The following BMP2K variants were observed in gnomAD, a reference collection of about 807,000 sequenced individuals.
BMP2K encodes BMP2 inducible kinase, also known as BMP-2-inducible protein kinase.
In BMP2K, 74 loss-of-function variants were observed where a neutral mutation model predicts 116.0. The ratio of observed to expected loss-of-function variants is 0.64; its 90% CI spans 0.53 to 0.77. The LOEUF (loss-of-function observed/expected upper bound fraction) is 0.77. BMP2K is among the 30% of genes least tolerant of loss of function. The pLI is 0.00. For synonymous variants in BMP2K, 486 were observed against 502.5 expected (o/e 0.97, Z 0.44); for missense variants, 1,365 against 1,403.6 (o/e 0.97, Z 0.44).
intron 14 of BMP2K, among the ~76,000 whole-genome samples, chr4:78,883,970 G>T (rs1389144477): frequency 1.3e-5 from 2 of 152,130 alleles, no homozygotes; most frequent in African/African-American, 4.8e-5. Flanking sequence ...GGCTGAGCCT[G>T]GGAGGCAGAG....
intron 1 of BMP2K, among the ~76,000 whole-genome samples, chr4:78,796,117 A>G (rs887063954): frequency 4.6e-5 from 7 of 152,192 alleles, no homozygotes; most frequent in African/African-American, 1.7e-4. Flanking sequence ...CAGCATTCAC[A>G]ATAGCAAAGA....
intron 1 of BMP2K, among the ~76,000 whole-genome samples, chr4:78,783,949 A>G (rs934558288): frequency 1.3e-5 from 2 of 152,192 alleles, no homozygotes; most frequent in African/African-American, 4.8e-5. Context: ...TGAAAAGGCT[A>G]TGTCTTCGAT....
chr4:78,887,571 T>C (rs1733166277), intron 15 of BMP2K, among the ~76,000 whole-genome samples: 1 of 152,222 alleles, frequency 6.6e-6, no homozygotes, highest in African/African-American at 2.4e-5. Context: ...AAAGATATTT[T>C]TATACTTGGC....
Position 78,904,393 on chromosome 4 carries a change from T to A in BMP2K, c.2063-6217T>A, listed in dbSNP as rs148913169. ...CTATTCCCTCTGATTCATTTCTGAT[T>A]CAAGTACCATTTGTGTCCTCTTGAC... On this transcript the variant is annotated intron_variant, in intron 15 of 15. Coordinates refer to ENST00000502613, the MANE Select transcript of BMP2K (RefSeq NM_198892.2). 2.3e-3 allele frequency among the ~76,000 whole-genome samples: 348 copies of A among 152,070 alleles called. 5 individuals are homozygous for A. Among genetic ancestry groups the A allele is most frequent in the African/African-American group, 7.9e-3 (328 of 41,556 alleles).
intron 9 of BMP2K, among the ~76,000 whole-genome samples, chr4:78,863,758 C>T (rs936491998): frequency 1.3e-5 from 2 of 152,084 alleles, no homozygotes; most frequent in African/African-American, 4.8e-5. Flanking sequence ...CCTAATCTGC[C>T]CAGGCATTTT....
chr4:78,846,627 G>A (rs1731013007), intron 5 of BMP2K, among the ~76,000 whole-genome samples: 1 of 151,432 alleles, frequency 6.6e-6, no homozygotes, highest in Non-Finnish European at 1.5e-5. Flanking sequence ...AGCTTATTAT[G>A]GCAGTCAGTA....
At chr4:78,829,791 T>TTTTCTCTTCTCTTCC (rs1730099134) in intron 2 of BMP2K, among the ~76,000 whole-genome samples, 1 of 96,112 alleles carries the variant, frequency 1.0e-5, no homozygotes. Flanking sequence ...TTTTCTTTTC[T>TTTTCTCTTCTCTTCC]CTTCTCTTCT....
chr4:78,802,651 T>C (rs1430658388), intron 1 of BMP2K, among the ~76,000 whole-genome samples: 1 of 152,224 alleles, frequency 6.6e-6, no homozygotes, highest in African/African-American at 2.4e-5. Context: ...CAAATCCCTC[T>C]GACTACCCCA....
intron 13 of BMP2K, among the ~76,000 whole-genome samples, chr4:78,873,954 C>T (rs1322409159): frequency 1.3e-5 from 2 of 151,930 alleles, no homozygotes; most frequent in Admixed American, 6.6e-5. Context: ...CCAGGGCAGG[C>T]GGATCACGAG....
chr4:78,861,307 A>G lies in BMP2K; in HGVS notation c.988-82A>G, dbSNP rs112204213. 7,119 of 1,061,792 alleles carry G rather than the reference A, an allele frequency of 6.7e-3. 354 individuals are homozygous for G. The African/African-American group carries it at 0.1, about 15-fold the overall frequency. The allele number at this position is 1,061,792 out of a possible 1,614,324, so 65.8% of individuals were successfully genotyped here. ...TGTCTCATAGTACTTTTAAAGTTCA[A>G]TGATATATCCATAGCTTACAAAAAC... On this transcript the variant is annotated intron_variant, in intron 8 of 15. Coordinates refer to ENST00000502613, the MANE Select transcript of BMP2K (RefSeq NM_198892.2).
At chr4:78,901,263 G>A (rs966194684) in intron 15 of BMP2K, among the ~76,000 whole-genome samples, 2 of 145,672 alleles carry the variant, frequency 1.4e-5, no homozygotes, top group African/African-American at 5.4e-5. Flanking sequence ...GTCTTACTAT[G>A]TTGCCTAGGC....
At position 78,801,625 on chromosome 4, in the gene BMP2K, T is replaced by C. The variant is rs148767189; in HGVS notation, c.179-24412T>C. On this transcript the variant is annotated intron_variant, in intron 1 of 15. Coordinates refer to ENST00000502613, the MANE Select transcript of BMP2K (RefSeq NM_198892.2). The stretch of plus-strand genomic sequence containing the variant: ...TTCTTTTTCTTGCTTTGTTTTGGAA[T>C]GCTTAAGGTTCTCTTTTCTCCATTT... Among the ~76,000 whole-genome samples, 9 of 152,284 alleles carry C rather than the reference T, an allele frequency of 5.9e-5. No individual in the cohort carries two copies. In the East Asian group the frequency reaches 1.7e-3, roughly 29 times the overall value.
At chr4:78,851,661 A>G (rs1731256698) in intron 7 of BMP2K, among the ~76,000 whole-genome samples, 1 of 152,020 alleles carries the variant, frequency 6.6e-6, no homozygotes, top group Admixed American at 6.6e-5. Context: ...GGTTTGTATG[A>G]TGAAGATGGC....
chr4:78,870,945 A>G lies in BMP2K; in HGVS notation c.1394A>G (p.Gln465Arg), dbSNP rs750083207. The change falls in exon 11 of 16, where the codon CAG becomes CGG. Residue 465 changes from glutamine to arginine, a missense_variant. Transcript: ENST00000502613. ...HRHPHQQQQQ[Q>R]QQQQQQQQQQ... is the part of the protein sequence containing the mutation. ...CATCCTCACCAGCAGCAGCAGCAGCAGCAGCAGCAACAGCAACAGCAGCAG... is the reference window on the plus strand; with the variant it reads ...CATCCTCACCAGCAGCAGCAGCAGCGGCAGCAGCAACAGCAACAGCAGCAG... The G allele has an allele frequency of 1.2e-6, 2 of 1,612,236 alleles. No homozygotes were observed. The highest frequency in any genetic ancestry group is 4.5e-5 in the East Asian group (2 of 44,850).
intron 13 of BMP2K, among the ~76,000 whole-genome samples, chr4:78,876,899 T>G (rs1732658100): frequency 6.6e-6 from 1 of 152,202 alleles, no homozygotes; most frequent in Non-Finnish European, 1.5e-5. Flanking sequence ...ACTACACATC[T>G]AGGCTTTATT....
At chr4:78,883,771 A>C (rs1309270717) in intron 14 of BMP2K, among the ~76,000 whole-genome samples, 1 of 152,168 alleles carries the variant, frequency 6.6e-6, no homozygotes, top group Non-Finnish European at 1.5e-5. Context: ...TGGTTTAAAT[A>C]CGTGGAGAGG....
At chr4:78,864,739 G>T (rs1202509915) in intron 9 of BMP2K, among the ~76,000 whole-genome samples, 1 of 151,922 alleles carries the variant, frequency 6.6e-6, no homozygotes, top group South Asian at 2.1e-4. Flanking sequence ...AATGTGTAAG[G>T]GGATTTAATA....
intron 3 of BMP2K, among the ~76,000 whole-genome samples, chr4:78,833,912 T>C (rs1030268339): frequency 2.0e-5 from 3 of 152,210 alleles, no homozygotes; most frequent in East Asian, 1.9e-4. Flanking sequence ...AAAAGTGATA[T>C]TGAGTTTAAA....
intron 5 of BMP2K, 103 bp from the exon 6 acceptor site, chr4:78,847,085 A>G (rs1731038458): frequency 3.4e-6 from 2 of 581,622 alleles, no homozygotes; most frequent in African/African-American, 2.0e-5. Flanking sequence ...TATTGAACCT[A>G]AAAGACTTTT....
Sources: gnomAD v4.1 joint callset for allele counts (sites outside exome capture counted in the v4.1 genomes callset) on GRCh38, gnomAD v4.1.1 for gene constraint, MANE v1.5 for transcripts, NCBI Gene and HGNC (gene_info 2026-07-23, HGNC 2026-07-21) for gene names.